The following TLN1 variants were observed in gnomAD, a reference collection of about 807,000 sequenced individuals.
TLN1 encodes talin-1.
TLN1 carries 56 observed loss-of-function variants against 292.3 expected under a neutral mutation model. That is an observed-to-expected ratio of 0.19 (90% CI 0.15 to 0.24). The LOEUF (loss-of-function observed/expected upper bound fraction) is 0.24, where lower values mean the gene tolerates loss of function less well. TLN1 is among the 10% of genes least tolerant of loss of function. TLN1 has a pLI of 1.00. For synonymous variants in TLN1, 1,119 were observed against 1,253.7 expected (o/e 0.89, Z 2.27); for missense variants, 2,433 against 3,248.2 (o/e 0.75, Z 6.10).
Position 35,700,335 on chromosome 9 carries a change from T to C in TLN1, c.6516A>G (p.Pro2172=). The C allele has an allele frequency of 6.2e-7, 1 of 1,610,104 alleles. No homozygotes were observed. Among genetic ancestry groups the C allele is most frequent in the Non-Finnish European group, 8.5e-7 (1 of 1,176,602 alleles). Reference sequence around the variant, plus strand: ...CCTTGGTCATTCGGATGAAGTCTTCTGGGGTAGAGGTCTTGGCAGGTGGCT... The same window carrying C: ...CCTTGGTCATTCGGATGAAGTCTTCCGGGGTAGAGGTCTTGGCAGGTGGCT... ...SPEPPAKTST[P]EDFIRMTKGI... The change falls in exon 49 of 57, where the codon CCA becomes CCG. Residue 2172 remains proline (P), a synonymous_variant. Coordinates refer to ENST00000314888, the MANE Select transcript of TLN1 (RefSeq NM_006289.4).
rs1445054809 is a variant in TLN1, at chr9:35,698,464, T to G, written c.7230A>C (p.Ala2410=). 6.2e-7 allele frequency: 1 copy of G among 1,614,036 alleles called. No individual in the cohort carries two copies. Among genetic ancestry groups the G allele is most frequent in the Admixed American group, 1.7e-5 (1 of 60,010 alleles). ...VAAATNNLCE[A]ANAAVQGHAS... ...CATGGCCTTGTACAGCTGCATTGGC[T>G]GCCTCACACAGATTGTTGGTGGCCG... The change falls in exon 55 of 57, where the codon GCA becomes GCC. Residue 2410 remains alanine (A), a synonymous_variant. Transcript: ENST00000314888. The surrounding 1 kb of genome is among the most constrained non-coding windows in gnomAD (Gnocchi z 5.3).
rs1825745822 is a variant in TLN1 at position 35,714,668 on chromosome 9, G to A, written c.2891C>T (p.Pro964Leu). Reference sequence around the variant, plus strand: ...TCCTCGGACGCCCTGCACCAGCAGTGGAATCTGCTCTGCCACTGCCTGTAG... The same window carrying A: ...TCCTCGGACGCCCTGCACCAGCAGTAGAATCTGCTCTGCCACTGCCTGTAG... ...QSCKAVAEQI[P>L]LLVQGVRGSQ... The change falls in exon 23 of 57, where the codon CCA (proline) becomes CTA (leucine). Residue 964 changes from proline to leucine, a missense_variant. Around this residue, in one of 7 missense-constraint regions of TLN1, gnomAD observed 617 missense variants for 770.6 expected, o/e 0.80. Transcript: ENST00000314888. The surrounding 1 kb of genome is among the most constrained non-coding windows in gnomAD (Gnocchi z 4.6). 6.2e-7 allele frequency: 1 copy of A among 1,614,078 alleles called. No homozygotes were observed. The highest frequency in any genetic ancestry group is 2.2e-5 in the East Asian group (1 of 44,888).
intron 48 of TLN1, among the ~76,000 whole-genome samples, chr9:35,702,435 C>T (rs1392171004): frequency 3.3e-5 from 5 of 152,034 alleles, no homozygotes; most frequent in Admixed American, 6.6e-5. Context: ...CAATGACGTT[C>T]GAGAAACAAG....
Position 35,708,361 on chromosome 9 carries a change from G to C in TLN1, c.4450C>G (p.Pro1484Ala), listed in dbSNP as rs375040162. ...IQMACQSLGEPGCTQAQVLSA... is the reference protein window; with the variant it reads ...IQMACQSLGEAGCTQAQVLSA... ...GTTACCTGGGCCTGGGTACAGCCAG[G>C]CTCTCCCAAACTCTGGCAGGCCATC... Residue 1484 changes from proline (P) to alanine (A), a missense_variant, in exon 34 of 57, where the codon CCT becomes GCT. Around this residue, in one of 7 missense-constraint regions of TLN1, gnomAD observed 1,384 missense variants for 1,699.6 expected, o/e 0.81. Coordinates refer to ENST00000314888, the MANE Select transcript of TLN1 (RefSeq NM_006289.4). 8 of 1,609,670 alleles carry C rather than the reference G, an allele frequency of 5.0e-6. No individual in the cohort carries two copies. The highest frequency in any genetic ancestry group is 2.2e-5 in the East Asian group (1 of 44,666).
intron 1 of TLN1, among the ~76,000 whole-genome samples, chr9:35,730,424 T>A (rs958968567): frequency 2.7e-5 from 4 of 150,064 alleles, no homozygotes; most frequent in Admixed American, 2.0e-4. Flanking sequence ...TCTTTTCTGT[T>A]GGGGAGTGGG....
chr9:35,728,247 C>T (rs764299127), intron 1 of TLN1, among the ~76,000 whole-genome samples: 1 of 152,082 alleles, frequency 6.6e-6, no homozygotes, highest in Non-Finnish European at 1.5e-5. Context: ...AGAGCAGATA[C>T]CCACAAGGGG....
rs1376795692 is a variant in TLN1 at position 35,724,811 on chromosome 9, C to T, written c.358+19G>A. On this transcript the variant is annotated intron_variant, in intron 4 of 56. Coordinates refer to ENST00000314888, the MANE Select transcript of TLN1 (RefSeq NM_006289.4). The surrounding 1 kb of genome is among the most constrained non-coding windows in gnomAD (Gnocchi z 4.7). Reference sequence around the variant, plus strand: ...GAGGCTTTCTGGCCCAGGCTTTCAACTGTACTAGGGCCCCTTACCAATGCG... The same window carrying T: ...GAGGCTTTCTGGCCCAGGCTTTCAATTGTACTAGGGCCCCTTACCAATGCG... 8 of 1,613,926 alleles carry T rather than the reference C, an allele frequency of 5.0e-6. No homozygotes were observed. The highest frequency in any genetic ancestry group is 6.8e-6 in the Non-Finnish European group (8 of 1,179,960).
Position 35,721,809 on chromosome 9 carries a change from A to C in TLN1, c.949-6T>G, listed in dbSNP as rs748526714. The C allele has an allele frequency of 6.2e-7, 1 of 1,606,952 alleles. No homozygotes were observed. Among genetic ancestry groups the C allele is most frequent in the African/African-American group, 1.3e-5 (1 of 74,744 alleles). ...TTCTTCCCTTTCATTTTTTCCTATGAGGCAGAGGTTGGTGTTGGTGTTACA... is the reference window on the plus strand; with the variant it reads ...TTCTTCCCTTTCATTTTTTCCTATGCGGCAGAGGTTGGTGTTGGTGTTACA... On this transcript the variant is annotated splice_region_variant and splice_polypyrimidine_tract_variant and intron_variant, in intron 9 of 56. Coordinates refer to ENST00000314888, the MANE Select transcript of TLN1 (RefSeq NM_006289.4).
chr9:35,718,887 T>C lies in TLN1; in HGVS notation c.1920A>G (p.Ala640=). Residue 640 remains alanine (A), a synonymous_variant, in exon 17 of 57, where the codon GCA becomes GCG. Transcript: ENST00000314888. ...CACTGGCCTGGCCCACGTTCCCAGC[T>C]GCTTGCAGCAGGTTCTGACGGGGCT... ...SAEPRQNLLQ[A]AGNVGQASGE... is the part of the protein sequence containing the mutation. The C allele has an allele frequency of 6.2e-7, 1 of 1,613,380 alleles. No individual in the cohort carries two copies. The highest frequency in any genetic ancestry group is 8.5e-7 in the Non-Finnish European group (1 of 1,179,668).
Position 35,722,177 on chromosome 9 carries a change from C to G in TLN1, c.890G>C (p.Arg297Pro). 6.2e-7 allele frequency: 1 copy of G among 1,614,182 alleles called. No individual in the cohort carries two copies. Among genetic ancestry groups the G allele is most frequent in the Non-Finnish European group, 8.5e-7 (1 of 1,180,036 alleles). The change falls in exon 9 of 57, where the codon CGC becomes CCC. Residue 297 changes from arginine (R) to proline (P), a missense_variant. This residue lies in a region of TLN1 where 78 missense variants were observed against 88.8 expected (regional missense o/e 0.88). Transcript: ENST00000314888. The part of the protein sequence containing the change: ...GQMSEIEAKV[R>P]YVKLARSLKT... ...GAGAGAACGGGCTAGCTTCACGTAG[C>G]GGACCTTGGCCTCAATCTCACTCAT... is the stretch of plus-strand genomic sequence containing the variant.
At chr9:35,726,472 C>T (rs948055978) in intron 1 of TLN1, among the ~76,000 whole-genome samples, 18 of 152,178 alleles carry the variant, frequency 1.2e-4, no homozygotes, top group Admixed American at 3.9e-4. Flanking sequence ...CTTCCCTGTC[C>T]GGGATTTTCA....
At chr9:35,700,154 C>G (rs144449921) in intron 49 of TLN1, 37 bp downstream of exon 49, 238 of 1,591,848 alleles carry the variant, frequency 1.5e-4, no homozygotes, top group Non-Finnish European at 1.9e-4. Flanking sequence ...TGTTCTGGCC[C>G]AAAGCTGCCT....
At chr9:35,721,599 C>T (rs988765687) in intron 10 of TLN1, 49 bp downstream of exon 10, 1 of 1,590,184 alleles carries the variant, frequency 6.3e-7, no homozygotes, top group Non-Finnish European at 8.6e-7. Context: ...GCAGCTGCCC[C>T]TTTAATGAAA....
Position 35,724,842 on chromosome 9 carries a change from A to T in TLN1, c.346T>A (p.Cys116Ser). 1.9e-6 allele frequency: 3 copies of T among 1,614,222 alleles called. No homozygotes were observed. The highest frequency in any genetic ancestry group is 2.5e-6 in the Non-Finnish European group (3 of 1,180,048). Residue 116 changes from cysteine to serine, a missense_variant, in exon 4 of 57, where the codon TGT (cysteine) becomes AGT (serine). Physicochemically the swap from Cys to Ser is moderately radical, Grantham distance 112 (BLOSUM62 -1). Around this residue, in one of 7 missense-constraint regions of TLN1, gnomAD observed 155 missense variants for 287.9 expected, o/e 0.54. Coordinates refer to ENST00000314888, the MANE Select transcript of TLN1 (RefSeq NM_006289.4). This position sits in a 1 kb window ranked among gnomAD's most constrained non-coding sequence, Gnocchi z 4.7. The part of the protein sequence containing the change: ...KTVTDMLMTI[C>S]ARIGITNHDE... ...TAGGGCCCCTTACCAATGCGGGCAC[A>T]GATGGTCATGAGCATGTCAGTGACA...
At position 35,697,862 on chromosome 9, in the gene TLN1, G is replaced by A. The variant is rs1394876123; in HGVS notation, c.7555C>T (p.Arg2519Trp). The A allele has an allele frequency of 6.2e-7, 1 of 1,614,174 alleles. No homozygotes were observed. Among genetic ancestry groups the A allele is most frequent in the Non-Finnish European group, 8.5e-7 (1 of 1,180,034 alleles). The change falls in exon 57 of 57, where the codon CGG (arginine) becomes TGG (tryptophan). Residue 2519 changes from arginine to tryptophan, a missense_variant. Physicochemically the swap from Arg to Trp is moderately radical, Grantham distance 101. Coordinates refer to ENST00000314888, the MANE Select transcript of TLN1 (RefSeq NM_006289.4). ...LRKERELEEA[R>W]KKLAQIRQQQ... ...TGCCGGATCTGGGCCAGTTTCTTCC[G>A]CGCCTCTTCCAGCTCTCGTTCCTTC...
In TLN1 at chr9:35,706,477, C is replaced by G. The variant is rs1825567192; in HGVS notation, c.5163G>C (p.Arg1721=). The G allele has an allele frequency of 6.2e-7, 1 of 1,613,986 alleles. No individual in the cohort carries two copies. The highest frequency in any genetic ancestry group is 1.3e-5 in the African/African-American group (1 of 74,912). ...TGTGTCCCAGCTGGGAGGCTTCAGC[C>G]CGGGCAGCATTGGCCAGCGGCTCAA... ...HLIEPLANAA[R]AEASQLGHKV... The change falls in exon 39 of 57, where the codon CGG becomes CGC. Residue 1721 remains arginine, a synonymous_variant. Coordinates refer to ENST00000314888, the MANE Select transcript of TLN1 (RefSeq NM_006289.4). The surrounding 1 kb of genome is among the most constrained non-coding windows in gnomAD (Gnocchi z 4.2).
chr9:35,705,673 G>T lies in TLN1; in HGVS notation c.5614-3C>A. 2.5e-6 allele frequency: 4 copies of T among 1,612,412 alleles called. No homozygotes were observed. The highest frequency in any genetic ancestry group is 3.4e-6 in the Non-Finnish European group (4 of 1,178,512). Reference sequence around the variant, plus strand: ...GGGCTGGTGTTTGACTTGGTAACCTGGTGATAATGGAACGAGTGAAGTTAT... The same window carrying T: ...GGGCTGGTGTTTGACTTGGTAACCTTGTGATAATGGAACGAGTGAAGTTAT... On this transcript the variant is annotated splice_region_variant and splice_polypyrimidine_tract_variant and intron_variant, in intron 42 of 56. Coordinates refer to ENST00000314888, the MANE Select transcript of TLN1 (RefSeq NM_006289.4).
rs1825427520 is a variant in TLN1 at position 35,699,573 on chromosome 9, C to T, written c.6769-112G>A. ...ACCCCTATCCCTAGAGCACTCCACA[C>T]CATAGCCCTCAAACTCCACGCTGCC... On this transcript the variant is annotated intron_variant, in intron 50 of 56. Transcript: ENST00000314888. The surrounding 1 kb of genome is among the most constrained non-coding windows in gnomAD (Gnocchi z 4.0). 3 of 1,443,630 alleles carry T rather than the reference C, an allele frequency of 2.1e-6. No individual in the cohort carries two copies. The South Asian group carries it at 4.4e-5, about 21-fold the overall frequency. The allele number at this position is 1,443,630 out of a possible 1,614,324, so 89.4% of individuals were successfully genotyped here.
rs767833622 is a variant in TLN1, at chr9:35,706,060, C to G, written c.5413G>C (p.Glu1805Gln). ...GTTGTTGTCAGGTCCTCTACGGCCT[C>G]GGTCATCATCTGCACAGCCTCCTCC... ...ALEEAVQMMT[E>Q]AVEDLTTTLN... Residue 1805 changes from glutamate to glutamine, a missense_variant, in exon 41 of 57, where the codon GAG (glutamate) becomes CAG (glutamine). Coordinates refer to ENST00000314888, the MANE Select transcript of TLN1 (RefSeq NM_006289.4). The surrounding 1 kb of genome is among the most constrained non-coding windows in gnomAD (Gnocchi z 4.2). The G allele has an allele frequency of 6.2e-7, 1 of 1,614,192 alleles. No homozygotes were observed. Among genetic ancestry groups the G allele is most frequent in the Non-Finnish European group, 8.5e-7 (1 of 1,180,030 alleles).
Sources: allele counts gnomAD v4.1 joint callset (sites outside exome capture counted in the v4.1 genomes callset), GRCh38; gene constraint gnomAD v4.1.1; regional missense constraint gnomAD v4.1.1; non-coding constraint Gnocchi (gnomAD v3.1); transcripts MANE v1.5; gene names NCBI Gene and HGNC (gene_info 2026-07-23, HGNC 2026-07-21).